Variants in SHC1 observed in about 807,000 individuals in gnomAD.
SHC1 encodes SHC adaptor protein 1.
A neutral mutation model predicts 55.9 loss-of-function variants in SHC1; 30 were observed. That is an observed-to-expected ratio of 0.54 (90% CI 0.40 to 0.73). SHC1 has a LOEUF of 0.73. Among genes scored for constraint, SHC1 ranks in the 30% least tolerant of loss-of-function variants. The pLI is 0.00. For synonymous variants in SHC1, 309 were observed against 306.1 expected (o/e 1.01, Z -0.10); for missense variants, 675 against 777.1 (o/e 0.87, Z 1.56).
chr1:154,968,912 G>A (rs1426985008), intron 2 of SHC1, 78 bp from the exon 3 acceptor site: 2 of 1,350,562 alleles, frequency 1.5e-6, no homozygotes, highest in Non-Finnish European at 2.1e-6. Context: ...AGGGCTGGGG[G>A]AGGGGAAAGC....
chr1:154,968,730 C>T, intron 3 of SHC1, 41 bp downstream of exon 3: 2 of 1,611,432 alleles, frequency 1.2e-6, no homozygotes, highest in Non-Finnish European at 1.7e-6. Flanking sequence ...TGCCCCTCCA[C>T]ATTTCCCAGC....
In SHC1 at chr1:154,969,584, C is replaced by T. The variant is rs1210451528; in HGVS notation, c.496-136G>A. ...AAGTTCTGCCCACTTCCCGTGGCTA[C>T]ATCCCACAACCAAGGTGAAAGACAA... On this transcript the variant is annotated intron_variant, in intron 1 of 11. Transcript: ENST00000448116. 4 of 643,120 alleles carry T rather than the reference C, an allele frequency of 6.2e-6. No homozygotes were observed. The Admixed American group carries it at 1.1e-4, about 17-fold the overall frequency. 39.8% of individuals were successfully genotyped at this position (643,120 alleles called of 1,614,324 possible). A position where few individuals can be genotyped will look rare whatever the true frequency, so the allele number is the denominator to read the frequency against.
In SHC1 at chr1:154,966,174, G is replaced by A. The variant is rs778255296; in HGVS notation, c.1240C>T (p.Pro414Ser). The change falls in exon 9 of 12, where the codon CCA (proline) becomes TCA (serine). Residue 414 changes from proline (P) to serine (S), a missense_variant. Transcript: ENST00000448116. ...PEVRKQMPPP[P>S]PCPAGRELFD... The stretch of plus-strand genomic sequence containing the variant: ...GCTCCCTTCATACCTGGACAGGGTG[G>A]TGGAGGTGGCATCTGTTTGCGGACT... 5.0e-6 allele frequency: 8 copies of A among 1,614,038 alleles called. No individual in the cohort carries two copies. The South Asian group carries it at 6.6e-5, about 13-fold the overall frequency.
At chr1:154,967,615 C>A (rs1412921361) in intron 7 of SHC1, 56 bp downstream of exon 7, 1 of 1,581,776 alleles carries the variant, frequency 6.3e-7, no homozygotes, top group Non-Finnish European at 8.6e-7. Flanking sequence ...GGAAGAGCAG[C>A]CCTCCTTTCC....
intron 2 of SHC1, 56 bp from the exon 3 acceptor site, chr1:154,968,890 T>C (rs1656373293): frequency 6.6e-7 from 1 of 1,511,108 alleles, no homozygotes; most frequent in Non-Finnish European, 9.2e-7. Flanking sequence ...CCCACTCAAC[T>C]GGGGCTGCCA....
chr1:154,965,813 A>G (rs1365525791), intron 10 of SHC1, 32 bp from the exon 11 acceptor site: 1 of 1,592,204 alleles, frequency 6.3e-7, no homozygotes, highest in Non-Finnish European at 8.6e-7. Context: ...GAGGGGAAGT[A>G]GCAGGCACAA....
In SHC1 at chr1:154,965,992, G is replaced by C. The variant is rs1571429273; in HGVS notation, c.1341C>G (p.Pro447=). The part of the protein sequence containing the change: ...ARQAVGGAGP[P]NPAINGSAPR... ...GTGCACTGCCATTGATAGCAGGATT[G>C]GGGGGCCCAGCACCACCCACTGCTT... is the stretch of plus-strand genomic sequence containing the variant. Residue 447 remains proline, a synonymous_variant, in exon 10 of 12, where the codon CCC becomes CCG. Coordinates refer to ENST00000448116, the MANE Select transcript of SHC1 (RefSeq NM_001130040.2). The C allele has an allele frequency of 6.2e-7, 1 of 1,613,904 alleles. No individual in the cohort carries two copies. Among genetic ancestry groups the C allele is most frequent in the Non-Finnish European group, 8.5e-7 (1 of 1,179,892 alleles).
Position 154,965,990 on chromosome 1 carries a change from T to C in SHC1, c.1343A>G (p.Asn448Ser), listed in dbSNP as rs781728525. Residue 448 changes from asparagine to serine, a missense_variant, in exon 10 of 12, where the codon AAT becomes AGT. Transcript: ENST00000448116. ...GGGTGCACTGCCATTGATAGCAGGATTGGGGGGCCCAGCACCACCCACTGC... is the reference window on the plus strand; with the variant it reads ...GGGTGCACTGCCATTGATAGCAGGACTGGGGGGCCCAGCACCACCCACTGC... ...RQAVGGAGPP[N>S]PAINGSAPRD... 9 of 1,613,754 alleles carry C rather than the reference T, an allele frequency of 5.6e-6. No individual in the cohort carries two copies. The highest frequency in any genetic ancestry group is 4.5e-5 in the East Asian group (2 of 44,872).
Position 154,968,531 on chromosome 1 carries a change from G to A in SHC1, c.714C>T (p.Thr238=), listed in dbSNP as rs756459349. ...AGMPITLTVS[T]SSLNLMAADC... Reference sequence around the variant, plus strand: ...CTGCGGCCATGAGGTTGAGGCTGCTGGTGGAGACGGTGAGAGTGATTGGCA... The same window carrying A: ...CTGCGGCCATGAGGTTGAGGCTGCTAGTGGAGACGGTGAGAGTGATTGGCA... The change falls in exon 4 of 12, where the codon ACC becomes ACT. Residue 238 remains threonine, a synonymous_variant. Transcript: ENST00000448116. 4.3e-6 allele frequency: 7 copies of A among 1,614,102 alleles called. No individual in the cohort carries two copies. The highest frequency in any genetic ancestry group is 4.2e-6 in the Non-Finnish European group (5 of 1,180,014).
chr1:154,967,180 G>A lies in SHC1; in HGVS notation c.983+491C>T, dbSNP rs191534080. Among the ~76,000 whole-genome samples the A allele has an allele frequency of 4.6e-5, 7 of 151,918 alleles. 1 individual carries two copies. Among genetic ancestry groups the A allele is most frequent in the African/African-American group, 1.7e-4 (7 of 41,280 alleles). On this transcript the variant is annotated intron_variant, in intron 7 of 11. Transcript: ENST00000448116. ...GAAGGGAAGCACCATGTAGGGGGGTGGGGGGCCGGGGGAGGCACTCCAGCT... is the reference window on the plus strand; with the variant it reads ...GAAGGGAAGCACCATGTAGGGGGGTAGGGGGCCGGGGGAGGCACTCCAGCT...
chr1:154,966,434 T>C lies in SHC1; in HGVS notation c.1067A>G (p.Lys356Arg), dbSNP rs1407557591. The change falls in exon 8 of 12, where the codon AAG (lysine) becomes AGG (arginine). Residue 356 changes from lysine to arginine, a missense_variant. Physicochemically the swap from Lys to Arg is conservative, Grantham distance 26. This residue lies in a region of SHC1 where 360 missense variants were observed against 371.1 expected (regional missense o/e 0.97). Coordinates refer to ENST00000448116, the MANE Select transcript of SHC1 (RefSeq NM_001130040.2). ...DHQYYNDFPG[K>R]EPPLGGVVDM... is the part of the protein sequence containing the mutation. ...TACCACCCCCCCCAAGGGGGGTTCC[T>C]TCCCCGGGAAGTCATTATAGTACTG... is the stretch of plus-strand genomic sequence containing the variant. The C allele has an allele frequency of 4.3e-6, 7 of 1,613,078 alleles. No homozygotes were observed. The South Asian group carries it at 7.7e-5, about 18-fold the overall frequency.
upstream of SHC1, among the ~76,000 whole-genome samples, chr1:154,972,571 G>C (rs16836580): frequency 6.6e-6 from 1 of 152,278 alleles, no homozygotes; most frequent in African/African-American, 2.4e-5. Flanking sequence ...CATCTGTAGA[G>C]ATGATGTTCT....
Position 154,970,152 on chromosome 1 carries a change from T to G in SHC1, c.375A>C (p.Glu125Asp). 1 of 1,613,030 alleles carries G rather than the reference T, an allele frequency of 6.2e-7. No individual in the cohort carries two copies. Among genetic ancestry groups the G allele is most frequent in the Non-Finnish European group, 8.5e-7 (1 of 1,179,824 alleles). The change falls in exon 1 of 12, where the codon GAA (glutamate) becomes GAC (aspartate). Residue 125 changes from glutamate (E) to aspartate (D), a missense_variant. Transcript: ENST00000448116. This position sits in a 1 kb window ranked among gnomAD's most constrained non-coding sequence, Gnocchi z 5.5. ...ACTCCTCGCCCCCAAGCTGGCCCCC[T>G]TCCACCCGAGTCCTGCGCCCGCCGC... ...SGGGGRRTRV[E>D]GGQLGGEEWT...
chr1:154,973,832 ACGGAGGGGGCGTGGCTT>A (rs1656986592), upstream of SHC1, among the ~76,000 whole-genome samples: 1 of 152,190 alleles, frequency 6.6e-6, no homozygotes, highest in South Asian at 2.1e-4. Flanking sequence ...GACGTGGATT[ACGGAGGGGGCGTGGCTT>A]CGGAGGGGCG....
At chr1:154,972,193 C>A (rs1351875369), upstream of SHC1, among the ~76,000 whole-genome samples, 1 of 150,746 alleles carries the variant, frequency 6.6e-6, no homozygotes, top group Non-Finnish European at 1.5e-5. Context: ...TGCAGTGAGC[C>A]GAGATCGAGC....
Position 154,968,588 on chromosome 1 carries a change from G to A in SHC1, c.657C>T (p.Ile219=), listed in dbSNP as rs549819856. The part of the protein sequence containing the change: ...RKPCSRPLSS[I]LGRSNLKFAG... Reference sequence around the variant, plus strand: ...CAAATTTCAGGTTACTCCTCCCCAGGATAGAGCTGAGCGGGCGGCTACAGG... The same window carrying A: ...CAAATTTCAGGTTACTCCTCCCCAGAATAGAGCTGAGCGGGCGGCTACAGG... The change falls in exon 4 of 12, where the codon ATC becomes ATT. Residue 219 remains isoleucine (I), a synonymous_variant. Transcript: ENST00000448116. 2.5e-6 allele frequency: 4 copies of A among 1,614,134 alleles called. No homozygotes were observed. Among genetic ancestry groups the A allele is most frequent in the Middle Eastern group, 1.6e-4 (1 of 6,062 alleles).
chr1:154,970,742 T>C lies in SHC1; in HGVS notation c.-216A>G. 2.1e-6 allele frequency: 1 copy of C among 478,064 alleles called. No individual in the cohort carries two copies. The highest frequency in any genetic ancestry group is 3.7e-6 in the Non-Finnish European group (1 of 271,178). 29.6% of individuals were successfully genotyped at this position (478,064 alleles called of 1,614,324 possible). On this transcript the variant is annotated 5_prime_UTR_variant, in exon 1 of 12. Transcript: ENST00000448116. This position sits in a 1 kb window ranked among gnomAD's most constrained non-coding sequence, Gnocchi z 5.5. Reference sequence around the variant, plus strand: ...CCATCCCCGCCCAACGTGGAGCCTCTTCTCTGGCTGAGAAGAGAACAGGCT... The same window carrying C: ...CCATCCCCGCCCAACGTGGAGCCTCCTCTCTGGCTGAGAAGAGAACAGGCT...
upstream of SHC1, among the ~76,000 whole-genome samples, chr1:154,974,024 G>C (rs1657011587): frequency 6.6e-6 from 1 of 152,106 alleles, no homozygotes; most frequent in South Asian, 2.1e-4. Context: ...AACGTGTCGG[G>C]GGGTGGGGAC....
At chr1:154,964,027 G>T (rs1558049603) in intron 11 of SHC1, 96 bp from the exon 12 acceptor site, 1 of 1,324,982 alleles carries the variant, frequency 7.5e-7, no homozygotes. Context: ...CAAGAGGCTT[G>T]AAGGAGGAGA....
Sources: gnomAD v4.1 joint callset for allele counts (sites outside exome capture counted in the v4.1 genomes callset) on GRCh38, gnomAD v4.1.1 for gene constraint, gnomAD v4.1.1 regional missense constraint, Gnocchi (gnomAD v3.1) non-coding constraint, MANE v1.5 for transcripts, NCBI Gene and HGNC (gene_info 2026-07-23, HGNC 2026-07-21) for gene names.